Variants in LGSN observed in about 807,000 individuals in gnomAD.
The protein encoded by LGSN is lengsin.
Under a neutral mutation model 19.5 loss-of-function variants are expected in LGSN, and 21 were observed. The ratio of observed to expected loss-of-function variants is 1.07; its 90% CI spans 0.76 to 1.55. The LOEUF (loss-of-function observed/expected upper bound fraction) is 1.55. Among genes scored for constraint, LGSN ranks in the 40% most tolerant of loss-of-function variants. The pLI, the probability that LGSN is intolerant of heterozygous loss-of-function variation, is 0.00. For missense variants in LGSN, 673 were observed against 608.5 expected (o/e 1.11, Z -1.12); for synonymous variants, 257 against 215.6 (o/e 1.19, Z -1.68).
At chr6:63,545,849 G>C in the LGSN span, among the ~76,000 whole-genome samples, 1 of 151,472 alleles carries the variant, frequency 6.6e-6, no homozygotes, top group Non-Finnish European at 1.5e-5. Flanking sequence ...TGAGAAACCT[G>C]GTTCTAAGAA....
chr6:63,539,685 C>T, the LGSN span, among the ~76,000 whole-genome samples: 2 of 151,948 alleles, frequency 1.3e-5, no homozygotes, highest in South Asian at 4.1e-4. Context: ...AGGGGAATTG[C>T]TTGAACCCGG....
the LGSN span, among the ~76,000 whole-genome samples, chr6:63,482,148 C>CT: frequency 2.6e-5 from 4 of 151,478 alleles, no homozygotes; most frequent in South Asian, 4.2e-4. Flanking sequence ...CATATTATTT[C>CT]TTTTTTTTTA....
At chr6:63,553,393 CTG>C in the LGSN span, among the ~76,000 whole-genome samples, 1 of 152,190 alleles carries the variant, frequency 6.6e-6, no homozygotes, top group South Asian at 2.1e-4. Flanking sequence ...GTCTCCATGA[CTG>C]TGTGTTCAGT....
the LGSN span, among the ~76,000 whole-genome samples, chr6:63,365,195 C>A: frequency 2.0e-5 from 3 of 151,816 alleles, no homozygotes; most frequent in Admixed American, 6.6e-5. Context: ...ACTAGCAAGA[C>A]TAATAAAGAA....
At chr6:63,489,157 G>A in the LGSN span, among the ~76,000 whole-genome samples, 4 of 152,116 alleles carry the variant, frequency 2.6e-5, no homozygotes, top group Non-Finnish European at 5.9e-5. Context: ...GAAATGGGCC[G>A]TAAAAATCAT....
intron 2 of LGSN, chr6:63,293,869 G>T: frequency 2.4e-6 from 1 of 416,904 alleles, no homozygotes; most frequent in South Asian, 1.7e-5. Context: ...GTAGTAATAA[G>T]GAAAAATGTT....
the LGSN span, among the ~76,000 whole-genome samples, chr6:63,411,588 C>T: frequency 2.6e-5 from 4 of 152,072 alleles, no homozygotes; most frequent in African/African-American, 4.8e-5. Context: ...ACCTGTAATC[C>T]GAGTACTTTG....
chr6:63,538,226 CA>C, the LGSN span, among the ~76,000 whole-genome samples: 1 of 152,122 alleles, frequency 6.6e-6, no homozygotes, highest in Non-Finnish European at 1.5e-5. Flanking sequence ...AAATGTTTCC[CA>C]AGTTCTGGTT....
the LGSN span, among the ~76,000 whole-genome samples, chr6:63,497,738 A>G: frequency 2.8e-5 from 3 of 106,432 alleles, no homozygotes; most frequent in Non-Finnish European, 5.3e-5. Context: ...GGAGAGTTGA[A>G]TGACAACAAC....
the LGSN span, among the ~76,000 whole-genome samples, chr6:63,365,264 G>T: frequency 6.6e-6 from 1 of 152,180 alleles, no homozygotes; most frequent in Non-Finnish European, 1.5e-5. Context: ...TATCACCATC[G>T]ATCCCACAGA....
the LGSN span, chr6:63,572,835 T>G: frequency 2.5e-6 from 1 of 394,506 alleles, no homozygotes; most frequent in South Asian, 1.3e-4. Flanking sequence ...CGGGTTGCGG[T>G]TCCGGTGGGT....
At chr6:63,282,712 T>C (rs1395438896) in intron 3 of LGSN, among the ~76,000 whole-genome samples, 3 of 152,200 alleles carry the variant, frequency 2.0e-5, no homozygotes, top group Non-Finnish European at 2.9e-5. Context: ...CTTTAACCAA[T>C]AATAAAGTTG....
At chr6:63,480,976 TATATATATATAC>T in the LGSN span, among the ~76,000 whole-genome samples, 16 of 31,994 alleles carry the variant, frequency 5.0e-4, no homozygotes, top group African/African-American at 9.9e-4. Context: ...TATATATATA[TATATATATATAC>T]ACACACACAT....
chr6:63,403,101 C>CAGAGAGAGAG, the LGSN span, among the ~76,000 whole-genome samples: 24 of 148,858 alleles, frequency 1.6e-4, no homozygotes, highest in African/African-American at 5.6e-4. Context: ...GAGAGAGAGA[C>CAGAGAGAGAG]AGAGAGAGAG....
the LGSN span, among the ~76,000 whole-genome samples, chr6:63,556,460 C>T: frequency 2.6e-5 from 4 of 152,120 alleles, no homozygotes; most frequent in Admixed American, 2.0e-4. Flanking sequence ...GGATTACAGG[C>T]ATGAGCCACT....
chr6:63,477,687 C>CT, the LGSN span, among the ~76,000 whole-genome samples: 1,246 of 60,938 alleles, frequency 0.02, 117 homozygotes, highest in African/African-American at 0.031. Context: ...TTCTTTTTTT[C>CT]TTTTTTTTTT....
At chr6:63,434,765 C>T in the LGSN span, among the ~76,000 whole-genome samples, 2 of 152,070 alleles carry the variant, frequency 1.3e-5, no homozygotes, top group African/African-American at 2.4e-5. Context: ...CTCCCATTGG[C>T]CAAGCCCAAC....
At chr6:63,318,838 A>G (rs527322128) in intron 1 of LGSN, among the ~76,000 whole-genome samples, 8 of 152,214 alleles carry the variant, frequency 5.3e-5, no homozygotes, top group Non-Finnish European at 1.2e-4. Context: ...TTACATAGTT[A>G]GAAATCAAAA....
chr6:63,309,615 G>A lies in LGSN; in HGVS notation c.30+10299C>T, dbSNP rs527457383. On this transcript the variant is annotated intron_variant, in intron 1 of 3. Coordinates refer to ENST00000370657, the MANE Select transcript of LGSN (RefSeq NM_016571.3). ...AACTGACAGATAAAATTGTATGTATGTATACCACAAAATGTTTTAAAGTAT... is the reference window on the plus strand; with the variant it reads ...AACTGACAGATAAAATTGTATGTATATATACCACAAAATGTTTTAAAGTAT... Among the ~76,000 whole-genome samples the A allele has an allele frequency of 8.5e-5, 13 of 152,098 alleles. No individual in the cohort carries two copies. In the East Asian group the frequency reaches 2.3e-3, roughly 27 times the overall value.
Sources: allele counts gnomAD v4.1 joint callset (sites outside exome capture counted in the v4.1 genomes callset), GRCh38; gene constraint gnomAD v4.1.1; transcripts MANE v1.5; gene names NCBI Gene and HGNC (gene_info 2026-07-23, HGNC 2026-07-21).